Variants in ZDHHC15 observed in about 807,000 individuals in gnomAD.
ZDHHC15 encodes zDHHC palmitoyltransferase 15.
ZDHHC15 carries 19 observed loss-of-function variants against 31.7 expected under a neutral mutation model. The ratio of observed to expected loss-of-function variants is 0.60; its 90% CI spans 0.42 to 0.88. The LOEUF (loss-of-function observed/expected upper bound fraction) is 0.88. Among genes scored for constraint, ZDHHC15 ranks in the 40% least tolerant of loss-of-function variants. ZDHHC15 has a pLI of 0.00. For missense variants in ZDHHC15, 209 were observed against 251.2 expected (o/e 0.83, Z 1.14); for synonymous variants, 103 against 90.0 (o/e 1.14, Z -0.82).
At chrX:75,438,522 T>C (rs1321449811) in intron 4 of ZDHHC15, among the ~76,000 whole-genome samples, 1 of 111,568 alleles carries the variant, frequency 9.0e-6, no homozygotes, top group Admixed American at 9.6e-5. Context: ...ATACCTTTTT[T>C]CACTCCTGTA....
intron 1 of ZDHHC15, among the ~76,000 whole-genome samples, chrX:75,517,337 C>G (rs758693570): frequency 4.5e-5 from 5 of 110,672 alleles, no homozygotes; most frequent in African/African-American, 1.6e-4. Context: ...GGAACCAACC[C>G]AAATGCCCAT....
chrX:75,519,657 T>C (rs1722809886), intron 1 of ZDHHC15, among the ~76,000 whole-genome samples: 1 of 112,413 alleles, frequency 8.9e-6, no homozygotes, highest in African/African-American at 3.2e-5. Flanking sequence ...ATGTTACTTT[T>C]TGAGACATAT....
chrX:75,380,127 G>A (rs1380837436), intron 10 of ZDHHC15, among the ~76,000 whole-genome samples: 1 of 112,003 alleles, frequency 8.9e-6, no homozygotes, highest in Admixed American at 9.5e-5. Flanking sequence ...TGGGCAGAAA[G>A]CAAATGTATT....
intron 2 of ZDHHC15, among the ~76,000 whole-genome samples, chrX:75,499,792 T>C (rs1049467222): frequency 9.0e-6 from 1 of 111,120 alleles, no homozygotes; most frequent in South Asian, 3.7e-4. Context: ...TGGTTTAAAA[T>C]AAAATAATAA....
At chrX:75,438,184 C>G (rs902103371) in intron 4 of ZDHHC15, among the ~76,000 whole-genome samples, 1 of 111,810 alleles carries the variant, frequency 8.9e-6, no homozygotes, top group Non-Finnish European at 1.9e-5. Context: ...GTTGGTGGGA[C>G]TGTAAACTAG....
At chrX:75,406,183 T>G (rs892822966) in intron 10 of ZDHHC15, among the ~76,000 whole-genome samples, 3 of 110,738 alleles carry the variant, frequency 2.7e-5, no homozygotes, top group African/African-American at 9.9e-5. Flanking sequence ...CATACTAAAA[T>G]CTATAGGACA....
chrX:75,392,332 T>TAATC (rs2147779692), intron 10 of ZDHHC15, among the ~76,000 whole-genome samples: 1 of 112,129 alleles, frequency 8.9e-6, no homozygotes, highest in East Asian at 2.8e-4. Context: ...GCTTATATTC[T>TAATC]AGCCACACTG....
intron 11 of ZDHHC15, among the ~76,000 whole-genome samples, chrX:75,374,874 T>A (rs578042302): frequency 1.8e-5 from 2 of 110,465 alleles, no homozygotes; most frequent in South Asian, 7.6e-4. Flanking sequence ...AAACTGATAG[T>A]AACGAAATAA....
At chrX:75,479,539 C>T (rs1260901473) in intron 2 of ZDHHC15, among the ~76,000 whole-genome samples, 2 of 111,201 alleles carry the variant, frequency 1.8e-5, no homozygotes, top group Non-Finnish European at 3.8e-5. Flanking sequence ...TCATGGAGTA[C>T]AAGGAAAATT....
Position 75,464,960 on chromosome X carries a change from T to C in ZDHHC15, c.258+13931A>G, listed in dbSNP as rs1188253748. ...TTATTGGAAGTTCTGGCCAGGGCAA[T>C]CAGCCAAGAGAAAGAAATAAAGGGC... On this transcript the variant is annotated intron_variant, in intron 3 of 11. Coordinates refer to ENST00000373367, the MANE Select transcript of ZDHHC15 (RefSeq NM_144969.3). Among the ~76,000 whole-genome samples, 5 of 111,671 alleles carry C rather than the reference T, an allele frequency of 4.5e-5. No individual in the cohort carries two copies. The Admixed American group carries it at 4.8e-4, about 11-fold the overall frequency.
At chrX:75,417,810 T>C (rs1054166444) in intron 9 of ZDHHC15, among the ~76,000 whole-genome samples, 2 of 111,665 alleles carry the variant, frequency 1.8e-5, no homozygotes, top group African/African-American at 6.5e-5. Flanking sequence ...ACAGATGGGA[T>C]GCATTGGAGG....
At chrX:75,498,554 A>G (rs1249775343) in intron 2 of ZDHHC15, among the ~76,000 whole-genome samples, 2 of 111,709 alleles carry the variant, frequency 1.8e-5, no homozygotes, top group African/African-American at 6.5e-5. Context: ...TGAATAAAGC[A>G]ACAACTTAGG....
At chrX:75,464,918 C>T (rs1334188055) in intron 3 of ZDHHC15, among the ~76,000 whole-genome samples, 1 of 111,861 alleles carries the variant, frequency 8.9e-6, no homozygotes, top group Non-Finnish European at 1.9e-5. Flanking sequence ...CCTCTCTCAC[C>T]ACTCCTATTC....
chrX:75,497,318 A>G (rs1470123872), intron 2 of ZDHHC15, among the ~76,000 whole-genome samples: 2 of 111,720 alleles, frequency 1.8e-5, no homozygotes, highest in Non-Finnish European at 1.9e-5. Context: ...CCCAATAACA[A>G]GTAGCAAGAT....
chrX:75,474,941 T>A (rs1186687648), intron 3 of ZDHHC15, among the ~76,000 whole-genome samples: 1 of 109,668 alleles, frequency 9.1e-6, no homozygotes, highest in African/African-American at 3.3e-5. Flanking sequence ...GTGCCTGTGG[T>A]CCCAGCTACT....
At chrX:75,413,797 C>A (rs1434492053) in intron 10 of ZDHHC15, among the ~76,000 whole-genome samples, 5 of 110,655 alleles carry the variant, frequency 4.5e-5, no homozygotes, top group Non-Finnish European at 9.5e-5. Flanking sequence ...TATTAAGGAA[C>A]TAAGATTACT....
intron 1 of ZDHHC15, among the ~76,000 whole-genome samples, chrX:75,506,926 G>C (rs11093538): frequency 0.09 from 10,054 of 111,463 alleles, 702 homozygotes; most frequent in African/African-American, 0.24. Context: ...AAGTGGAGGT[G>C]CAACTCCCAT....
At chrX:75,444,640 GTATATATATATA>G (rs760429265) in intron 4 of ZDHHC15, among the ~76,000 whole-genome samples, 1,227 of 22,689 alleles carry the variant, frequency 0.054, 47 homozygotes, top group Middle Eastern at 0.071. Flanking sequence ...AAGCAACACT[GTATATATATATA>G]TATATATATA....
intron 4 of ZDHHC15, among the ~76,000 whole-genome samples, chrX:75,447,788 T>C (rs1464942677): frequency 9.0e-6 from 1 of 111,606 alleles, no homozygotes; most frequent in African/African-American, 3.3e-5. Flanking sequence ...GAGGGAGGAC[T>C]TCCACCAGGG....
Sources: gnomAD v4.1 joint callset for allele counts (sites outside exome capture counted in the v4.1 genomes callset) on GRCh38, gnomAD v4.1.1 for gene constraint, MANE v1.5 for transcripts, NCBI Gene and HGNC (gene_info 2026-07-23, HGNC 2026-07-21) for gene names.